PCDHA8: variants seen among roughly 807,000 people sequenced by gnomAD.
PCDHA8 encodes protocadherin alpha-8.
Under a neutral mutation model 61.8 loss-of-function variants are expected in PCDHA8, and 53 were observed. That is an observed-to-expected ratio of 0.86 (90% CI 0.69 to 1.08). The LOEUF is 1.08. Among genes scored for constraint, PCDHA8 ranks in the 50% least tolerant of loss-of-function variants. PCDHA8 has a pLI of 0.00. For synonymous variants in PCDHA8, 618 were observed against 556.6 expected, an observed-to-expected ratio of 1.11 and a Z score of -1.55; for missense variants, 1,293 against 1,245.0, an observed-to-expected ratio of 1.04 and a Z score of -0.58.
chr5:140,917,417 C>G (rs1163543772), intron 1 of PCDHA8, among the ~76,000 whole-genome samples: 2 of 152,082 alleles, frequency 1.3e-5, no homozygotes, highest in African/African-American at 2.4e-5. Flanking sequence ...TAATTAGGCC[C>G]CATTTGCCAA....
intron 1 of PCDHA8, among the ~76,000 whole-genome samples, chr5:140,895,848 G>T (rs147299280): frequency 6.6e-6 from 1 of 151,982 alleles, no homozygotes; most frequent in Non-Finnish European, 1.5e-5. Flanking sequence ...TCTCACTCTT[G>T]TACCCCAGGC....
rs116160554 is a variant in PCDHA8, at chr5:140,845,319, C to A, written c.2394+1604C>A. Among the ~76,000 whole-genome samples the A allele has an allele frequency of 3.7e-3, 557 of 149,574 alleles. 34 individuals carry two copies. Among genetic ancestry groups the A allele is most frequent in the African/African-American group, 0.011 (448 of 40,946 alleles). ...ATGTCTACCTGGTTCTCAGGTATTA[C>A]TTTAATTACTGAATTCTCCTAAACA... On this transcript the variant is annotated intron_variant, in intron 1 of 3. Coordinates refer to ENST00000531613, the MANE Select transcript of PCDHA8 (RefSeq NM_018911.3).
chr5:140,969,058 T>C, intron 1 of PCDHA8: 1 of 1,614,166 alleles, frequency 6.2e-7, no homozygotes. Flanking sequence ...ACAACAATAT[T>C]GATGCCAGGA....
At position 140,940,270 on chromosome 5, in the gene PCDHA8, G is replaced by A. The variant is rs1236320412; in HGVS notation, c.2395-38679G>A. Among the ~76,000 whole-genome samples, 4 of 152,094 alleles carry A rather than the reference G, an allele frequency of 2.6e-5. No homozygotes were observed. In the East Asian group the frequency reaches 7.7e-4, roughly 29 times the overall value. ...TCCTCAATATCTTCTGGGTTCCACT[G>A]TTGTCTCATTGTGCTGCTTCATCAG... On this transcript the variant is annotated intron_variant, in intron 1 of 3. Transcript: ENST00000531613.
At chr5:140,967,380 A>C in intron 1 of PCDHA8, 3 of 1,608,302 alleles carry the variant, frequency 1.9e-6, no homozygotes, top group Non-Finnish European at 2.6e-6. Flanking sequence ...GAGAACAGTA[A>C]AGTGCTTGAG....
At chr5:140,941,185 C>CTTTT (rs782102770) in intron 1 of PCDHA8, among the ~76,000 whole-genome samples, 28 of 102,174 alleles carry the variant, frequency 2.7e-4, no homozygotes, top group African/African-American at 6.8e-4. Flanking sequence ...CATCCTGCTT[C>CTTTT]TTTTTTTTTC....
At chr5:140,880,233 T>C (rs1040125802) in intron 1 of PCDHA8, among the ~76,000 whole-genome samples, 1 of 152,046 alleles carries the variant, frequency 6.6e-6, no homozygotes, top group African/African-American at 2.4e-5. Context: ...TTTAAATTAG[T>C]GTATGTGCGT....
chr5:140,927,901 G>A lies in PCDHA8; in HGVS notation c.2395-51048G>A, dbSNP rs370478984. On this transcript the variant is annotated intron_variant, in intron 1 of 3. Transcript: ENST00000531613. ...GGAGGTGACTGACGTGAACGATCAT[G>A]CCCCCGAACTGGACTTCCTGACTCT... The A allele has an allele frequency of 6.2e-6, 10 of 1,614,084 alleles. No individual in the cohort carries two copies. Among genetic ancestry groups the A allele is most frequent in the Non-Finnish European group, 8.5e-6 (10 of 1,180,046 alleles).
intron 1 of PCDHA8, chr5:140,869,217 G>A: frequency 1.2e-6 from 2 of 1,613,842 alleles, no homozygotes; most frequent in South Asian, 1.1e-5. Context: ...TCTCGGAGGA[G>A]GCCAAACACG....
chr5:140,882,161 T>C (rs1235221234), intron 1 of PCDHA8: 1 of 1,509,194 alleles, frequency 6.6e-7, no homozygotes, highest in African/African-American at 1.4e-5. Flanking sequence ...GGAATACCTC[T>C]TGCGAATCCT....
intron 1 of PCDHA8, chr5:140,876,403 G>A (rs1361779592): frequency 1.2e-6 from 2 of 1,613,820 alleles, no homozygotes. Context: ...ACTGGATTTT[G>A]AAGAGAATAA....
At chr5:140,926,785 G>A in intron 1 of PCDHA8, 1 of 1,417,966 alleles carries the variant, frequency 7.1e-7, no homozygotes. Context: ...GTGACGGCCG[G>A]CAGGAGCGTG....
chr5:140,858,185 C>T, intron 1 of PCDHA8: 1 of 1,597,454 alleles, frequency 6.3e-7, no homozygotes, highest in South Asian at 1.1e-5. Flanking sequence ...GGTGCTCACG[C>T]TGCTGCTGTA....
At chr5:140,967,669 G>T (rs782398219) in intron 1 of PCDHA8, 1 of 1,614,126 alleles carries the variant, frequency 6.2e-7, no homozygotes, top group Non-Finnish European at 8.5e-7. Context: ...GCTACACGTC[G>T]GACCGGGAGA....
At chr5:140,999,766 A>G (rs1417826824) in intron 3 of PCDHA8, among the ~76,000 whole-genome samples, 2 of 152,180 alleles carry the variant, frequency 1.3e-5, no homozygotes, top group African/African-American at 2.4e-5. Flanking sequence ...TGATGTCTTT[A>G]TACTCTTAAC....
In PCDHA8 at chr5:140,882,044, C is replaced by T. The variant is rs539916085; in HGVS notation, c.2394+38329C>T. The T allele has an allele frequency of 5.7e-6, 4 of 702,876 alleles. No individual in the cohort carries two copies. In the East Asian group the frequency reaches 1.1e-4, roughly 20 times the overall value. The allele number at this position is 702,876 out of a possible 1,614,324, so 43.5% of individuals were successfully genotyped here. Reference sequence around the variant, plus strand: ...TCAATGGAAAATATGAAGACTGAGTCATACTTACACTTACACGTTCATGCG... The same window carrying T: ...TCAATGGAAAATATGAAGACTGAGTTATACTTACACTTACACGTTCATGCG... On this transcript the variant is annotated intron_variant, in intron 1 of 3. Transcript: ENST00000531613.
At chr5:140,914,059 G>A (rs2076582448) in intron 1 of PCDHA8, among the ~76,000 whole-genome samples, 1 of 152,202 alleles carries the variant, frequency 6.6e-6, no homozygotes, top group African/African-American at 2.4e-5. Flanking sequence ...GCTGTTGGAT[G>A]AAATGCTCCA....
rs2150336134 is a variant in PCDHA8, at chr5:140,842,434, A to C, written c.1113A>C (p.Leu371=). Residue 371 remains leucine (L), a synonymous_variant, in exon 1 of 4, where the codon CTA becomes CTC. Transcript: ENST00000531613. ...EDAQFGTVIA[L]ISVNDLDSGA... ...CTCAATTTGGTACTGTCATCGCCCT[A>C]ATTAGCGTGAACGACCTCGATTCAG... 2 of 1,613,586 alleles carry C rather than the reference A, an allele frequency of 1.2e-6. No individual in the cohort carries two copies. The highest frequency in any genetic ancestry group is 8.5e-7 in the Non-Finnish European group (1 of 1,179,694).
intron 1 of PCDHA8, among the ~76,000 whole-genome samples, chr5:140,920,730 G>A (rs902169780): frequency 6.6e-6 from 1 of 152,058 alleles, no homozygotes; most frequent in Non-Finnish European, 1.5e-5. Context: ...TGCAGTCCCA[G>A]CTACTCAGGA....
Sources: gnomAD v4.1 joint callset for allele counts (sites outside exome capture counted in the v4.1 genomes callset) on GRCh38, gnomAD v4.1.1 for gene constraint, MANE v1.5 for transcripts, NCBI Gene and HGNC (gene_info 2026-07-23, HGNC 2026-07-21) for gene names.